Variants in UBE2W observed in about 807,000 individuals in gnomAD.
UBE2W encodes the protein ubiquitin-conjugating enzyme E2 W.
In UBE2W, 18 loss-of-function variants were observed where a neutral mutation model predicts 27.2. The observed-to-expected ratio is 0.66, with a 90% CI of 0.46 to 0.98. The LOEUF (loss-of-function observed/expected upper bound fraction) is 0.98. Ranked by LOEUF, UBE2W falls within the 50% of genes least tolerant of loss-of-function variation. The pLI, the probability that UBE2W is intolerant of heterozygous loss-of-function variation, is 0.00. For missense variants in UBE2W, 90 were observed against 180.2 expected, an observed-to-expected ratio of 0.50 and a Z score of 2.87; for synonymous variants, 53 against 57.2, an observed-to-expected ratio of 0.93 and a Z score of 0.33.
chr8:73,781,142 C>A (rs1179805893), intron 4 of UBE2W, among the ~76,000 whole-genome samples: 1 of 151,564 alleles, frequency 6.6e-6, no homozygotes, highest in Non-Finnish European at 1.5e-5. Flanking sequence ...TGGTGGCATG[C>A]GCCTGTAATC....
At chr8:73,797,637 A>G (rs1808477499) in intron 5 of UBE2W, among the ~76,000 whole-genome samples, 1 of 152,224 alleles carries the variant, frequency 6.6e-6, no homozygotes, top group African/African-American at 2.4e-5. Context: ...GTCTGAGACA[A>G]TTTTATGCTT....
Position 73,791,733 on chromosome 8 carries a change from A to G in UBE2W, c.*2369T>C. 1 of 983,494 alleles carries G rather than the reference A, an allele frequency of 1.0e-6. No homozygotes were observed. The highest frequency in any genetic ancestry group is 1.2e-6 in the Non-Finnish European group (1 of 828,920). The allele number at this position is 983,494 out of a possible 1,614,324, so 60.9% of individuals were successfully genotyped here. On this transcript the variant is annotated 3_prime_UTR_variant, in exon 6 of 6. Coordinates refer to ENST00000602593, the MANE Select transcript of UBE2W (RefSeq NM_018299.6). ...GTTGTTAGCCTGATTATGAATTTTA[A>G]ATGTCTGTGCTCCTATATTTTAGGA...
chr8:73,829,140 G>C (rs182574516), intron 2 of UBE2W, among the ~76,000 whole-genome samples: 12 of 152,190 alleles, frequency 7.9e-5, no homozygotes. Context: ...ATAATTTGTG[G>C]TATAACTACC....
Position 73,786,482 on chromosome 8 carries a change from T to C in UBE2W, c.*7620A>G. On this transcript the variant is annotated 3_prime_UTR_variant, in exon 6 of 6. Coordinates refer to ENST00000602593, the MANE Select transcript of UBE2W (RefSeq NM_018299.6). ...TACGTGCTGGGGACACAAACACAAT[T>C]GCAACACTGTCCCTACTGTTAAAAA... 1.0e-6 allele frequency: 1 copy of C among 985,410 alleles called. No individual in the cohort carries two copies. The highest frequency in any genetic ancestry group is 1.2e-6 in the Non-Finnish European group (1 of 829,898). 61.0% of individuals were successfully genotyped at this position (985,410 alleles called of 1,614,324 possible).
chr8:73,811,630 G>A (rs571901079), intron 3 of UBE2W, among the ~76,000 whole-genome samples: 1 of 152,238 alleles, frequency 6.6e-6, no homozygotes, highest in African/African-American at 2.4e-5. Flanking sequence ...CAAGTGTCCT[G>A]CTTTCACAGA....
Position 73,790,404 on chromosome 8 carries a change from A to G in UBE2W, c.*3698T>C, listed in dbSNP as rs145661876. The G allele has an allele frequency of 1.3e-5, 13 of 985,490 alleles. No individual in the cohort carries two copies. The highest frequency in any genetic ancestry group is 1.6e-5 in the Non-Finnish European group (13 of 829,950). The allele number at this position is 985,490 out of a possible 1,614,324, so 61.0% of individuals were successfully genotyped here. ...ATGCACAGGCAGTAACGGCATTACT[A>G]TAACACAGAACAGTATAGTAGCTGA... On this transcript the variant is annotated 3_prime_UTR_variant, in exon 6 of 6. Coordinates refer to ENST00000602593, the MANE Select transcript of UBE2W (RefSeq NM_018299.6).
At chr8:73,865,923 A>C (rs1167768307) in intron 1 of UBE2W, among the ~76,000 whole-genome samples, 2 of 152,184 alleles carry the variant, frequency 1.3e-5, no homozygotes, top group African/African-American at 2.4e-5. Context: ...TTGTAAGTCT[A>C]AAGACTGAAG....
rs956367425 is a variant in UBE2W at position 73,823,731 on chromosome 8, A to G, written c.210+1416T>C. Among the ~76,000 whole-genome samples the G allele has an allele frequency of 3.3e-5, 5 of 152,216 alleles. No homozygotes were observed. The South Asian group carries it at 6.2e-4, about 19-fold the overall frequency. On this transcript the variant is annotated intron_variant, in intron 3 of 5. Transcript: ENST00000602593. Reference sequence around the variant, plus strand: ...TTTAACTTTTATGAAAATGATAAAAATAAGTCCTAAAAGTCTTGGTAGTTT... The same window carrying G: ...TTTAACTTTTATGAAAATGATAAAAGTAAGTCCTAAAAGTCTTGGTAGTTT...
intron 3 of UBE2W, among the ~76,000 whole-genome samples, chr8:73,814,318 T>C (rs1042493856): frequency 6.6e-6 from 1 of 152,190 alleles, no homozygotes; most frequent in Non-Finnish European, 1.5e-5. Context: ...ACACAATAAA[T>C]TTGAAACCAT....
chr8:73,780,564 C>A, intron 4 of UBE2W: 1 of 446,068 alleles, frequency 2.2e-6, no homozygotes, highest in South Asian at 1.6e-5. Context: ...GACAGTATGT[C>A]ACTCTATCTC....
intron 3 of UBE2W, among the ~76,000 whole-genome samples, chr8:73,820,817 G>T (rs572621062): frequency 6.6e-6 from 1 of 152,052 alleles, no homozygotes; most frequent in African/African-American, 2.4e-5. Context: ...CAGGCATGGC[G>T]GCAGATGGCT....
At chr8:73,873,090 G>T (rs1812073363) in intron 1 of UBE2W, among the ~76,000 whole-genome samples, 1 of 151,906 alleles carries the variant, frequency 6.6e-6, no homozygotes, top group Non-Finnish European at 1.5e-5. Context: ...TGTATTTTTA[G>T]TAGAGACTAG....
chr8:73,822,454 T>C (rs775909501), intron 3 of UBE2W, among the ~76,000 whole-genome samples: 27 of 151,672 alleles, frequency 1.8e-4, no homozygotes, highest in Non-Finnish European at 2.9e-4. Flanking sequence ...GGTAAAGAAA[T>C]AGCCAATCAT....
At chr8:73,857,865 A>G (rs2130964021) in intron 1 of UBE2W, among the ~76,000 whole-genome samples, 1 of 152,150 alleles carries the variant, frequency 6.6e-6, no homozygotes, top group South Asian at 2.1e-4. Context: ...CTTTTGCTTC[A>G]AAGTTTACAT....
chr8:73,816,320 T>C (rs1412289215), intron 3 of UBE2W, among the ~76,000 whole-genome samples: 1 of 152,216 alleles, frequency 6.6e-6, no homozygotes, highest in Non-Finnish European at 1.5e-5. Context: ...TTAACCTTCT[T>C]GTCAGGTGTC....
intron 5 of UBE2W, among the ~76,000 whole-genome samples, chr8:73,800,326 ATGG>A: frequency 6.6e-6 from 1 of 152,222 alleles, no homozygotes; most frequent in Non-Finnish European, 1.5e-5. Flanking sequence ...TAAAAGGAGA[ATGG>A]TGGAGGGGAA....
chr8:73,867,017 A>G (rs1389281771), intron 1 of UBE2W, among the ~76,000 whole-genome samples: 3 of 151,882 alleles, frequency 2.0e-5, no homozygotes, highest in Non-Finnish European at 2.9e-5. Flanking sequence ...AAAAAAAAAA[A>G]GAGGAAATTT....
intron 1 of UBE2W, among the ~76,000 whole-genome samples, chr8:73,833,075 C>T (rs1317344054): frequency 6.6e-6 from 1 of 150,804 alleles, no homozygotes; most frequent in African/African-American, 2.4e-5. Context: ...GTCCCAGCTA[C>T]TCAACAGGCA....
chr8:73,804,498 T>C (rs990484907), intron 5 of UBE2W, among the ~76,000 whole-genome samples: 10 of 151,694 alleles, frequency 6.6e-5, no homozygotes, highest in East Asian at 1.9e-4. Context: ...ACAAATACAA[T>C]AGAAATTTAA....
Sources: allele counts gnomAD v4.1 joint callset (sites outside exome capture counted in the v4.1 genomes callset), GRCh38; gene constraint gnomAD v4.1.1; transcripts MANE v1.5; gene names NCBI Gene and HGNC (gene_info 2026-07-23, HGNC 2026-07-21).